CNOT6L: variants seen among roughly 807,000 people sequenced by gnomAD.
The protein encoded by CNOT6L is CCR4-NOT transcription complex subunit 6 like.
In CNOT6L, 7 loss-of-function variants were observed where a neutral mutation model predicts 64.0. The ratio of observed to expected loss-of-function variants is 0.11; its 90% CI spans 0.06 to 0.21. The LOEUF (loss-of-function observed/expected upper bound fraction) is 0.21. Among genes scored for constraint, CNOT6L ranks in the 10% least tolerant of loss-of-function variants. CNOT6L has a pLI of 1.00. For synonymous variants in CNOT6L, 193 were observed against 243.4 expected, an observed-to-expected ratio of 0.79 and a Z score of 1.93; for missense variants, 245 against 669.0, an observed-to-expected ratio of 0.37 and a Z score of 6.99.
intron 1 of CNOT6L, among the ~76,000 whole-genome samples, chr4:77,804,775 T>C (rs1265450776): frequency 6.6e-6 from 1 of 152,170 alleles, no homozygotes; most frequent in Non-Finnish European, 1.5e-5. Flanking sequence ...ATCTCAACTT[T>C]CATCCTACAA....
chr4:77,749,634 C>T (rs369828508), intron 5 of CNOT6L, among the ~76,000 whole-genome samples: 1 of 152,118 alleles, frequency 6.6e-6, no homozygotes, highest in South Asian at 2.1e-4. Flanking sequence ...TCAACAATAT[C>T]CAAAGAGCCA....
At chr4:77,769,010 A>AC (rs1210539936) in intron 4 of CNOT6L, among the ~76,000 whole-genome samples, 6 of 152,212 alleles carry the variant, frequency 3.9e-5, no homozygotes, top group Admixed American at 2.6e-4. Context: ...AAAAACAAAA[A>AC]TGGAACCAAC....
chr4:77,752,025 T>C (rs1265340559), intron 5 of CNOT6L, among the ~76,000 whole-genome samples: 2 of 152,090 alleles, frequency 1.3e-5, no homozygotes, highest in South Asian at 2.1e-4. Context: ...ATTAAAAAAT[T>C]AGCCAGACGT....
In CNOT6L at chr4:77,717,786, G is replaced by A. The variant is rs1207294314; in HGVS notation, c.*2645C>T. 6.6e-6 allele frequency: 1 copy of A among 152,472 alleles called. No homozygotes were observed. The highest frequency in any genetic ancestry group is 1.5e-5 in the Non-Finnish European group (1 of 68,010). The allele number at this position is 152,472 out of a possible 1,614,324, so 9.4% of individuals were successfully genotyped here. A position where few individuals can be genotyped will look rare whatever the true frequency, so the allele number is the denominator to read the frequency against. On this transcript the variant is annotated 3_prime_UTR_variant, in exon 12 of 12. Coordinates refer to ENST00000504123, the MANE Select transcript of CNOT6L (RefSeq NM_144571.3). ...AGGGTATGTGAAATTTGGGCAGTGG[G>A]CTAAAGGGAAACCGTGCACATGAAA...
rs1560567803 is a variant in CNOT6L, at chr4:77,719,103, A to G, written c.*1328T>C. On this transcript the variant is annotated 3_prime_UTR_variant, in exon 12 of 12. Coordinates refer to ENST00000504123, the MANE Select transcript of CNOT6L (RefSeq NM_144571.3). ...CACAACCTTTTCCTGTTACTGTGCC[A>G]TAATTAACATCAAGTAGCCAACCAA... The G allele has an allele frequency of 6.6e-6, 1 of 152,628 alleles. No homozygotes were observed. Among genetic ancestry groups the G allele is most frequent in the East Asian group, 1.9e-4 (1 of 5,192 alleles). The allele number at this position is 152,628 out of a possible 1,614,324, so 9.5% of individuals were successfully genotyped here. A position where few individuals can be genotyped will look rare whatever the true frequency, so the allele number is the denominator to read the frequency against.
intron 5 of CNOT6L, among the ~76,000 whole-genome samples, chr4:77,755,477 G>A (rs1416719794): frequency 3.3e-5 from 5 of 152,034 alleles, no homozygotes; most frequent in Non-Finnish European, 7.4e-5. Flanking sequence ...GCCTCCCAAA[G>A]TGCTGGGATT....
chr4:77,724,542 A>C (rs1392970463), intron 11 of CNOT6L, among the ~76,000 whole-genome samples: 1 of 150,596 alleles, frequency 6.6e-6, no homozygotes, highest in Non-Finnish European at 1.5e-5. Context: ...TGGGAGGCAG[A>C]GGTAGGAGGA....
rs552990724 is a variant in CNOT6L at position 77,792,499 on chromosome 4, G to A, written c.6-16107C>T. Among the ~76,000 whole-genome samples, 17 of 152,240 alleles carry A rather than the reference G, an allele frequency of 1.1e-4. No individual in the cohort carries two copies. In the South Asian group the frequency reaches 3.5e-3, roughly 32 times the overall value. ...CCAGTACTTTGGGAGGCTGAGGTGGGCAGATGACCTGAGGTCAGGAGTTCA... is the reference window on the plus strand; with the variant it reads ...CCAGTACTTTGGGAGGCTGAGGTGGACAGATGACCTGAGGTCAGGAGTTCA... On this transcript the variant is annotated intron_variant, in intron 1 of 11. Coordinates refer to ENST00000504123, the MANE Select transcript of CNOT6L (RefSeq NM_144571.3).
Position 77,807,376 on chromosome 4 carries a change from T to C in CNOT6L, c.5+11928A>G, listed in dbSNP as rs1343552480. Among the ~76,000 whole-genome samples the C allele has an allele frequency of 3.3e-5, 5 of 149,612 alleles. No individual in the cohort carries two copies. The East Asian group carries it at 9.8e-4, about 29-fold the overall frequency. ...CCCGGGCAACATAGCAAAATCTCCATCTCTTAAAAAAAAAACTCACAGTCT... is the reference window on the plus strand; with the variant it reads ...CCCGGGCAACATAGCAAAATCTCCACCTCTTAAAAAAAAAACTCACAGTCT... On this transcript the variant is annotated intron_variant, in intron 1 of 11. Coordinates refer to ENST00000504123, the MANE Select transcript of CNOT6L (RefSeq NM_144571.3).
chr4:77,779,046 C>CAAAAAAAAAAAAA lies in CNOT6L; in HGVS notation c.6-2667_6-2655dup, dbSNP rs747920305. On this transcript the variant is annotated intron_variant, in intron 1 of 11. Transcript: ENST00000504123. Reference sequence around the variant, plus strand: ...TAGGTGACAGAGCGAGACTCTGTCTCAAAAAAAAAAAAAAAACAAAAAAAA... The same window carrying CAAAAAAAAAAAAA: ...TAGGTGACAGAGCGAGACTCTGTCTCAAAAAAAAAAAAAAAAAAAAAAAAAAAAACAAAAAAAA... 7.6e-4 allele frequency among the ~76,000 whole-genome samples: 51 copies of CAAAAAAAAAAAAA among 67,020 alleles called. 1 individual carries two copies. Among genetic ancestry groups the CAAAAAAAAAAAAA allele is most frequent in the South Asian group, 2.1e-3 (3 of 1,418 alleles). 44.0% of individuals were successfully genotyped at this position (67,020 alleles called of 152,430 possible). A position where few individuals can be genotyped will look rare whatever the true frequency, so the allele number is the denominator to read the frequency against.
At chr4:77,756,022 C>T (rs1247089476) in intron 5 of CNOT6L, among the ~76,000 whole-genome samples, 1 of 151,866 alleles carries the variant, frequency 6.6e-6, no homozygotes, top group Non-Finnish European at 1.5e-5. Context: ...CACGCTCTGT[C>T]ACCCAGGCTG....
chr4:77,769,919 A>G (rs1182781232), intron 4 of CNOT6L, among the ~76,000 whole-genome samples: 1 of 152,194 alleles, frequency 6.6e-6, no homozygotes, highest in Non-Finnish European at 1.5e-5. Context: ...TATGTCGGAT[A>G]AAGTATTGCC....
chr4:77,809,193 T>C (rs1009989175), intron 1 of CNOT6L, among the ~76,000 whole-genome samples: 1 of 152,134 alleles, frequency 6.6e-6, no homozygotes, highest in Non-Finnish European at 1.5e-5. Context: ...CTCACTTTCT[T>C]AACCAGCTTC....
chr4:77,783,364 C>G (rs191923866), intron 1 of CNOT6L, among the ~76,000 whole-genome samples: 8 of 152,290 alleles, frequency 5.3e-5, no homozygotes, highest in Admixed American at 3.3e-4. Context: ...TCCTTACCCG[C>G]ATGGAGCATA....
At chr4:77,818,151 C>A (rs773323652) in intron 1 of CNOT6L, among the ~76,000 whole-genome samples, 1 of 152,174 alleles carries the variant, frequency 6.6e-6, no homozygotes, top group Non-Finnish European at 1.5e-5. Context: ...TAACTAGAGG[C>A]AATACGGTAA....
chr4:77,776,738 G>T (rs994549749), intron 1 of CNOT6L, among the ~76,000 whole-genome samples: 1 of 152,158 alleles, frequency 6.6e-6, no homozygotes, highest in Admixed American at 6.5e-5. Context: ...AAGAGAATAA[G>T]GTAATTCTAT....
Position 77,728,934 on chromosome 4 carries a change from C to A in CNOT6L, c.1172G>T (p.Ser391Ile). ...ATCTGCAGTTGGGCTTCCAGGCCTA[C>A]TAGAGGCTTTCTCCAGAATGTTTTT... ...EVKNILEKAS[S>I]RPGSPTADPN... The change falls in exon 10 of 12, where the codon AGT becomes ATT. Residue 391 changes from serine to isoleucine, a missense_variant. Coordinates refer to ENST00000504123, the MANE Select transcript of CNOT6L (RefSeq NM_144571.3). 1 of 1,613,874 alleles carries A rather than the reference C, an allele frequency of 6.2e-7. No individual in the cohort carries two copies. Among genetic ancestry groups the A allele is most frequent in the South Asian group, 1.1e-5 (1 of 91,082 alleles).
intron 1 of CNOT6L, among the ~76,000 whole-genome samples, chr4:77,786,273 T>A (rs1405503538): frequency 3.6e-5 from 2 of 54,978 alleles, no homozygotes; most frequent in Non-Finnish European, 8.7e-5. Flanking sequence ...AGAGTGAGAC[T>A]CCCTCTAAAA....
At chr4:77,757,014 A>G (rs1725644079) in intron 4 of CNOT6L, 63 bp from the exon 5 acceptor site, 1 of 690,996 alleles carries the variant, frequency 1.4e-6, no homozygotes, top group Non-Finnish European at 2.4e-6. Context: ...ACAGAAATGT[A>G]TACTATAAAA....
Sources: gnomAD v4.1 joint callset for allele counts (sites outside exome capture counted in the v4.1 genomes callset) on GRCh38, gnomAD v4.1.1 for gene constraint, MANE v1.5 for transcripts, NCBI Gene and HGNC (gene_info 2026-07-23, HGNC 2026-07-21) for gene names.